Variants in LOC400499 observed in about 807,000 individuals in gnomAD.
the LOC400499 span, among the ~76,000 whole-genome samples, chr16:11,382,386 G>A: frequency 3.3e-5 from 5 of 150,968 alleles, no homozygotes; most frequent in East Asian, 7.8e-4. Context: ...GCCTACTCCT[G>A]TTGTTGCCAC....
the LOC400499 span, among the ~76,000 whole-genome samples, chr16:11,440,000 G>C: frequency 6.6e-6 from 1 of 152,080 alleles, no homozygotes; most frequent in Admixed American, 6.5e-5. Context: ...GGCTCAGTGG[G>C]ATTCAGTAAT....
chr16:11,486,079 TATGGATGG>T, the LOC400499 span, among the ~76,000 whole-genome samples: 3 of 129,150 alleles, frequency 2.3e-5, no homozygotes, highest in Non-Finnish European at 5.0e-5. Context: ...TGGATGGATG[TATGGATGG>T]ATGGACGGAT....
chr16:11,461,794 T>G, the LOC400499 span, among the ~76,000 whole-genome samples: 1 of 152,170 alleles, frequency 6.6e-6, no homozygotes, highest in Non-Finnish European at 1.5e-5. Context: ...CAGGCGCCAC[T>G]ACCCCAGCTC....
At chr16:11,415,548 T>C in the LOC400499 span, among the ~76,000 whole-genome samples, 1 of 152,218 alleles carries the variant, frequency 6.6e-6, no homozygotes, top group Non-Finnish European at 1.5e-5. Flanking sequence ...CAGGAAATGC[T>C]TCCTTCCTTC....
chr16:11,449,914 G>A, the LOC400499 span, among the ~76,000 whole-genome samples: 1 of 152,216 alleles, frequency 6.6e-6, no homozygotes, highest in African/African-American at 2.4e-5. Context: ...GGGCCAGGCC[G>A]CCATGCCCTC....
chr16:11,494,752 G>C, the LOC400499 span: 1 of 399,088 alleles, frequency 2.5e-6, no homozygotes, highest in East Asian at 3.6e-5. Flanking sequence ...TCGGGGTCTG[G>C]AGCAGTGGCT....
chr16:11,377,442 T>C, the LOC400499 span, among the ~76,000 whole-genome samples: 1 of 152,244 alleles, frequency 6.6e-6, no homozygotes, highest in Admixed American at 6.5e-5. Context: ...AGTGTGATGT[T>C]AGCTGAGGGT....
the LOC400499 span, among the ~76,000 whole-genome samples, chr16:11,525,124 A>G: frequency 1.3e-5 from 2 of 151,998 alleles, no homozygotes; most frequent in African/African-American, 4.8e-5. Flanking sequence ...TCTCTATAAA[A>G]AATACAAAAA....
At chr16:11,460,961 T>TAC in the LOC400499 span, 1 of 1,530,748 alleles carries the variant, frequency 6.5e-7, no homozygotes, top group Non-Finnish European at 8.7e-7. Flanking sequence ...CGCAGTGCCT[T>TAC]ACCCAGGAGG....
the LOC400499 span, among the ~76,000 whole-genome samples, chr16:11,525,284 C>A: frequency 0.019 from 2,633 of 142,090 alleles, 75 homozygotes; most frequent in African/African-American, 0.07. Flanking sequence ...AGAGTTAAGA[C>A]CTTGTCCCAA....
chr16:11,392,563 C>T, the LOC400499 span: 3 of 401,134 alleles, frequency 7.5e-6, no homozygotes, highest in Admixed American at 4.4e-5. Flanking sequence ...ACTCCCCCTC[C>T]ACCGCTTTCC....
At chr16:11,479,103 G>A in the LOC400499 span, among the ~76,000 whole-genome samples, 2 of 152,082 alleles carry the variant, frequency 1.3e-5, no homozygotes, top group East Asian at 3.9e-4. Context: ...TAATACACAG[G>A]GCAAAGTGCC....
chr16:11,510,050 T>A, the LOC400499 span, among the ~76,000 whole-genome samples: 1 of 151,418 alleles, frequency 6.6e-6, no homozygotes, highest in Non-Finnish European at 1.5e-5. Context: ...GCATTCGTCC[T>A]GTGACTGCTT....
chr16:11,382,046 C>G, the LOC400499 span, among the ~76,000 whole-genome samples: 1 of 151,968 alleles, frequency 6.6e-6, no homozygotes, highest in Non-Finnish European at 1.5e-5. Flanking sequence ...AAGCGATTCT[C>G]CTGCCTCAGC....
chr16:11,422,422 G>T, the LOC400499 span, among the ~76,000 whole-genome samples: 3 of 152,004 alleles, frequency 2.0e-5, no homozygotes, highest in Non-Finnish European at 4.4e-5. Context: ...GAATGGGACG[G>T]AAAGGAACAG....
the LOC400499 span, among the ~76,000 whole-genome samples, chr16:11,408,014 C>G: frequency 9.2e-6 from 1 of 109,146 alleles, no homozygotes; most frequent in East Asian, 3.2e-4. Flanking sequence ...GAGTCTTGCT[C>G]TGTTGCCCAG....
the LOC400499 span, among the ~76,000 whole-genome samples, chr16:11,454,543 G>A: frequency 1.2e-4 from 19 of 152,300 alleles, 1 homozygote; most frequent in South Asian, 2.9e-3. Flanking sequence ...GAGAGGATGC[G>A]GCTGTAAGCC....
the LOC400499 span, chr16:11,399,581 A>C: frequency 2.5e-6 from 1 of 398,732 alleles, no homozygotes; most frequent in Non-Finnish European, 4.4e-6. Flanking sequence ...GAGGCTGTTC[A>C]GGCCCCAGGT....
At chr16:11,448,173 A>C in the LOC400499 span, 2 of 1,383,888 alleles carry the variant, frequency 1.4e-6, no homozygotes, top group Non-Finnish European at 1.9e-6. Context: ...CAACCTGCCC[A>C]TCACCCCCAG....
Sources: allele counts gnomAD v4.1 joint callset (sites outside exome capture counted in the v4.1 genomes callset), GRCh38; gene constraint gnomAD v4.1.1; transcripts MANE v1.5.